MUC15: variants seen among roughly 807,000 people sequenced by gnomAD.
MUC15 encodes the protein mucin 15, cell surface associated.
A neutral mutation model predicts 24.0 loss-of-function variants in MUC15; 23 were observed. The observed-to-expected ratio is 0.96, with a 90% CI of 0.69 to 1.36. MUC15 has a LOEUF of 1.36. MUC15 is among the 40% of genes most tolerant of loss of function. The pLI is 0.00. For synonymous variants in MUC15, 151 were observed against 156.3 expected, an observed-to-expected ratio of 0.97 and a Z score of 0.25; for missense variants, 442 against 428.2, an observed-to-expected ratio of 1.03 and a Z score of -0.29.
chr11:26,566,838 T>A (rs1025707048), intron 2 of MUC15, among the ~76,000 whole-genome samples: 5 of 151,902 alleles, frequency 3.3e-5, no homozygotes, highest in African/African-American at 1.2e-4. Context: ...ATAATCACCA[T>A]AATAAGCAGT....
rs755230696 is a variant in MUC15, at chr11:26,563,193, A to G, written c.848T>C (p.Val283Ala). 6.2e-7 allele frequency: 1 copy of G among 1,612,636 alleles called. No individual in the cohort carries two copies. The highest frequency in any genetic ancestry group is 8.5e-7 in the Non-Finnish European group (1 of 1,179,024). ...AILGVSLLTL[V>A]GYLLCGKRKT... ...CCTTTTTCCACACAACAAGTAGCCC[A>G]CAAGAGTAAGCAATGAGACACCCAG... Residue 283 changes from valine (V) to alanine (A), a missense_variant, in exon 4 of 5, where the codon GTG (valine) becomes GCG (alanine). Transcript: ENST00000529533.
At chr11:26,561,422 T>G (rs2134249776) in intron 4 of MUC15, among the ~76,000 whole-genome samples, 197 bp from the exon 5 acceptor site, 1 of 152,118 alleles carries the variant, frequency 6.6e-6, no homozygotes. Context: ...AAGAGTACAG[T>G]TTTACTTCCA....
chr11:26,559,626 G>C lies in MUC15; in HGVS notation c.*1439C>G. ...ACTATAAAATAATATGATTCTATTT[G>C]AGAAAAAATCATAGTACCTGAGTGC... On this transcript the variant is annotated 3_prime_UTR_variant, in exon 5 of 5. Transcript: ENST00000529533. 1.2e-6 allele frequency: 1 copy of C among 847,636 alleles called. No individual in the cohort carries two copies. The highest frequency in any genetic ancestry group is 2.0e-6 in the Non-Finnish European group (1 of 497,072). The allele number at this position is 847,636 out of a possible 1,614,324, so 52.5% of individuals were successfully genotyped here.
At chr11:26,568,288 G>C (rs1850676184) in intron 1 of MUC15, among the ~76,000 whole-genome samples, 1 of 152,022 alleles carries the variant, frequency 6.6e-6, no homozygotes, top group Non-Finnish European at 1.5e-5. Flanking sequence ...AGATGATTAA[G>C]TGGGACATAA....
At chr11:26,564,735 ATATAT>A (rs1850484199) in intron 3 of MUC15, among the ~76,000 whole-genome samples, 1 of 17,594 alleles carries the variant, frequency 5.7e-5, no homozygotes, top group African/African-American at 1.9e-4. Flanking sequence ...ACACACACAT[ATATAT>A]ATATATATAT....
In MUC15 at chr11:26,563,393, C is replaced by CTGTGTGTGTG. The variant is rs764671965; in HGVS notation, c.776-129_776-128insCACACACACA. ...AAATTAGATAATGGTGTGTTTCTCTCTCTGTGTGTGTGTGTGTGTGTGTGT... is the reference window on the plus strand; with the variant it reads ...AAATTAGATAATGGTGTGTTTCTCTCTGTGTGTGTGTCTGTGTGTGTGTGTGTGTGTGTGT... On this transcript the variant is annotated intron_variant, in intron 3 of 4. Transcript: ENST00000529533. 2,638 of 825,188 alleles carry CTGTGTGTGTG rather than the reference C, an allele frequency of 3.2e-3. 55 individuals carry two copies. Among genetic ancestry groups the CTGTGTGTGTG allele is most frequent in the South Asian group, 9.8e-3 (453 of 46,030 alleles). The allele number at this position is 825,188 out of a possible 1,614,324, so 51.1% of individuals were successfully genotyped here. A position where few individuals can be genotyped will look rare whatever the true frequency, so the allele number is the denominator to read the frequency against.
chr11:26,565,597 A>G lies in MUC15; in HGVS notation c.343T>C (p.Ser115Pro), dbSNP rs375632320. 7 of 1,613,356 alleles carry G rather than the reference A, an allele frequency of 4.3e-6. No homozygotes were observed. The highest frequency in any genetic ancestry group is 5.9e-6 in the Non-Finnish European group (7 of 1,179,560). The change falls in exon 3 of 5, where the codon TCC becomes CCC. Residue 115 changes from serine (S) to proline (P), a missense_variant. Coordinates refer to ENST00000529533, the MANE Select transcript of MUC15 (RefSeq NM_001135091.2). ...PNNSHGITDFSSNSSAEHSLG... is the reference protein window; with the variant it reads ...PNNSHGITDFPSNSSAEHSLG... Reference sequence around the variant, plus strand: ...GAATGCTCTGCTGATGAGTTACTGGAGAAATCTGTTATTCCGTGGCTGTTG... The same window carrying G: ...GAATGCTCTGCTGATGAGTTACTGGGGAAATCTGTTATTCCGTGGCTGTTG...
intron 2 of MUC15, among the ~76,000 whole-genome samples, chr11:26,566,758 A>G (rs1425210177): frequency 6.6e-6 from 1 of 151,682 alleles, no homozygotes; most frequent in Non-Finnish European, 1.5e-5. Context: ...AAATAGGGTG[A>G]TATAGGAAAA....
intron 4 of MUC15, among the ~76,000 whole-genome samples, chr11:26,561,946 C>T (rs1850310901): frequency 6.6e-6 from 1 of 151,894 alleles, no homozygotes; most frequent in Admixed American, 6.6e-5. Context: ...TGCTTATCTA[C>T]TTATTCCTGT....
intron 1 of MUC15, among the ~76,000 whole-genome samples, chr11:26,568,917 A>G (rs1300551333): frequency 6.6e-6 from 1 of 152,062 alleles, no homozygotes; most frequent in Non-Finnish European, 1.5e-5. Context: ...GTACTTAGCC[A>G]CTATTTTCAG....
rs767631378 is a variant in MUC15, at chr11:26,561,014, A to G, written c.*51T>C. The G allele has an allele frequency of 2.2e-5, 34 of 1,523,292 alleles. No individual in the cohort carries two copies. Among genetic ancestry groups the G allele is most frequent in the Non-Finnish European group, 1.3e-5 (15 of 1,128,672 alleles). The allele number at this position is 1,523,292 out of a possible 1,614,324, so 94.4% of individuals were successfully genotyped here. ...CCTTTTGAAAGATGAATTTGTCAAA[A>G]GGCTAGGATGTAGATGACACTTGCT... is the stretch of plus-strand genomic sequence containing the variant. On this transcript the variant is annotated 3_prime_UTR_variant, in exon 5 of 5. Transcript: ENST00000529533.
chr11:26,563,075 A>C (rs1249004893), intron 4 of MUC15, 41 bp downstream of exon 4: 2 of 1,598,074 alleles, frequency 1.3e-6, no homozygotes, highest in South Asian at 2.3e-5. Flanking sequence ...CATTTAATTA[A>C]AACCACTGTG....
rs368415624 is a variant in MUC15, at chr11:26,563,148, T to G, written c.893A>C (p.His298Pro). Residue 298 changes from histidine to proline, a missense_variant, in exon 4 of 5, where the codon CAT becomes CCT. Transcript: ENST00000529533. Reference sequence around the variant, plus strand: ...ATTTCTGTCGTCATAAAGTCGCCGATGGGAAAATGAATCCGTTTTCCTTTT... The same window carrying G: ...ATTTCTGTCGTCATAAAGTCGCCGAGGGGAAAATGAATCCGTTTTCCTTTT... ...CGKRKTDSFS[H>P]RRLYDDRNEP... The G allele has an allele frequency of 4.2e-5, 67 of 1,612,252 alleles. No individual in the cohort carries two copies. The highest frequency in any genetic ancestry group is 9.4e-5 in the African/African-American group (7 of 74,808).
chr11:26,564,738 T>A (rs1383679589), intron 3 of MUC15, among the ~76,000 whole-genome samples: 1 of 21,700 alleles, frequency 4.6e-5, no homozygotes, highest in East Asian at 1.5e-3. Context: ...CACACATATA[T>A]ATATATATAT....
At chr11:26,571,200 A>C (rs1323619152) in intron 1 of MUC15, among the ~76,000 whole-genome samples, 2 of 152,100 alleles carry the variant, frequency 1.3e-5, no homozygotes, top group Non-Finnish European at 2.9e-5. Flanking sequence ...TTTCTCCGAA[A>C]GGAAAGTTCT....
At chr11:26,562,811 T>C (rs1441462678) in intron 4 of MUC15, among the ~76,000 whole-genome samples, 4 of 151,984 alleles carry the variant, frequency 2.6e-5, no homozygotes, top group African/African-American at 9.7e-5. Context: ...CTGGTCATTT[T>C]TTCTGAATGT....
At position 26,559,689 on chromosome 11, in the gene MUC15, G is replaced by A. The variant is rs901898490; in HGVS notation, c.*1376C>T. 7.2e-6 allele frequency: 11 copies of A among 1,529,064 alleles called. No individual in the cohort carries two copies. The African/African-American group carries it at 1.2e-4, about 17-fold the overall frequency. The allele number at this position is 1,529,064 out of a possible 1,614,324, so 94.7% of individuals were successfully genotyped here. On this transcript the variant is annotated 3_prime_UTR_variant, in exon 5 of 5. Transcript: ENST00000529533. ...CTGGCTTATTATAATCAATTTGCAT[G>A]ACTAATATTTCTGTTTGTTTTCTAC...
In MUC15 at chr11:26,560,187, T is replaced by A. The variant is rs1460061498; in HGVS notation, c.*878A>T. ...GGTTCATACATTTAGGGATGCAGAA[T>A]CTATTCCATTATGATTGAGCAATAA... On this transcript the variant is annotated 3_prime_UTR_variant, in exon 5 of 5. Transcript: ENST00000529533. 1 of 163,416 alleles carries A rather than the reference T, an allele frequency of 6.1e-6. No individual in the cohort carries two copies. The highest frequency in any genetic ancestry group is 2.4e-5 in the African/African-American group (1 of 41,816). The allele number at this position is 163,416 out of a possible 1,614,324, so 10.1% of individuals were successfully genotyped here.
intron 1 of MUC15, among the ~76,000 whole-genome samples, chr11:26,568,538 T>C (rs1850688724): frequency 6.6e-6 from 1 of 152,024 alleles, no homozygotes; most frequent in Admixed American, 6.6e-5. Context: ...TAATCCCATT[T>C]TTACAAAACA....
Sources: gnomAD v4.1 joint callset for allele counts (sites outside exome capture counted in the v4.1 genomes callset) on GRCh38, gnomAD v4.1.1 for gene constraint, MANE v1.5 for transcripts, NCBI Gene and HGNC (gene_info 2026-07-23, HGNC 2026-07-21) for gene names.